KAT2B: variants seen among roughly 807,000 people sequenced by gnomAD.
KAT2B encodes lysine acetyltransferase 2B, also known as histone acetyltransferase KAT2B.
A neutral mutation model predicts 105.9 loss-of-function variants in KAT2B; 36 were observed. The ratio of observed to expected loss-of-function variants is 0.34; its 90% CI spans 0.26 to 0.45. The LOEUF is 0.45. Ranked by LOEUF, KAT2B falls within the 20% of genes least tolerant of loss-of-function variation. The probability of loss-of-function intolerance (pLI) is 1.00; values close to 1 mark genes in which losing one functional copy is unlikely to be tolerated. For synonymous variants in KAT2B, 397 were observed against 377.9 expected (o/e 1.05, Z -0.59); for missense variants, 820 against 1,021.6 (o/e 0.80, Z 2.69).
chr3:20,106,061 C>T (rs930946528), intron 5 of KAT2B, among the ~76,000 whole-genome samples: 2 of 152,110 alleles, frequency 1.3e-5, no homozygotes, highest in African/African-American at 4.8e-5. Context: ...TCCCTGTGAA[C>T]TAGGGCAGAT....
At chr3:20,064,955 C>A (rs943546463) in intron 1 of KAT2B, among the ~76,000 whole-genome samples, 1 of 152,198 alleles carries the variant, frequency 6.6e-6, no homozygotes, top group Non-Finnish European at 1.5e-5. Flanking sequence ...TCTTCACACC[C>A]ATCTCACTCA....
At chr3:20,081,483 C>T (rs1041090911) in intron 2 of KAT2B, among the ~76,000 whole-genome samples, 4 of 152,134 alleles carry the variant, frequency 2.6e-5, no homozygotes, top group Non-Finnish European at 1.5e-5. Context: ...CCAAGGTATA[C>T]CCTTCTGGAG....
intron 2 of KAT2B, among the ~76,000 whole-genome samples, chr3:20,073,208 A>G (rs1347747206): frequency 6.6e-6 from 1 of 152,182 alleles, no homozygotes; most frequent in Non-Finnish European, 1.5e-5. Flanking sequence ...AGAATCTTAG[A>G]CTATTCTTAC....
Position 20,061,718 on chromosome 3 carries a change from C to T in KAT2B, c.304-10615C>T, listed in dbSNP as rs114445546. 4.8e-4 allele frequency among the ~76,000 whole-genome samples: 65 copies of T among 135,192 alleles called. 1 individual carries two copies. The highest frequency in any genetic ancestry group is 1.3e-3 in the Admixed American group (17 of 12,906). 88.7% of individuals were successfully genotyped at this position (135,192 alleles called of 152,430 possible). The stretch of plus-strand genomic sequence containing the variant: ...TGTAGTTTTAATTTGTATTTTCATA[C>T]GTATATATGAAAAAATAATATATAT... On this transcript the variant is annotated intron_variant, in intron 1 of 17. Coordinates refer to ENST00000263754, the MANE Select transcript of KAT2B (RefSeq NM_003884.5).
intron 7 of KAT2B, 111 bp from the exon 8 acceptor site, chr3:20,119,487 C>G: frequency 9.3e-7 from 1 of 1,078,298 alleles, no homozygotes; most frequent in South Asian, 1.4e-5. Context: ...TTAAAGATGA[C>G]TTATTTTGTG....
intron 1 of KAT2B, among the ~76,000 whole-genome samples, chr3:20,056,583 G>GT (rs1357591338): frequency 2.0e-5 from 3 of 152,162 alleles, no homozygotes; most frequent in African/African-American, 4.8e-5. Flanking sequence ...AATAATTATT[G>GT]TTTTTAATAA....
chr3:20,056,652 G>A (rs1698008835), intron 1 of KAT2B, among the ~76,000 whole-genome samples: 1 of 152,148 alleles, frequency 6.6e-6, no homozygotes, highest in Non-Finnish European at 1.5e-5. Context: ...TGGGACATAG[G>A]GTCTGCTAGG....
chr3:20,130,231 A>G (rs905330724), intron 11 of KAT2B, among the ~76,000 whole-genome samples: 1 of 152,248 alleles, frequency 6.6e-6, no homozygotes, highest in Admixed American at 6.5e-5. Flanking sequence ...CTAAGCATCA[A>G]AGGGCAAATG....
chr3:20,122,578 C>G, intron 8 of KAT2B, 90 bp from the exon 9 acceptor site: 1 of 1,005,748 alleles, frequency 9.9e-7, no homozygotes, highest in Non-Finnish European at 1.5e-6. Context: ...CCTCCATGCC[C>G]ATCAATGCTG....
intron 2 of KAT2B, among the ~76,000 whole-genome samples, chr3:20,085,639 T>C (rs1295954647): frequency 2.0e-5 from 3 of 150,970 alleles, no homozygotes; most frequent in Non-Finnish European, 2.9e-5. Context: ...GCCTCCCGAG[T>C]CGCTGGGACT....
At chr3:20,134,761 C>T (rs1043428644) in intron 11 of KAT2B, among the ~76,000 whole-genome samples, 1 of 152,110 alleles carries the variant, frequency 6.6e-6, no homozygotes, top group Non-Finnish European at 1.5e-5. Flanking sequence ...TGTACAAATG[C>T]TGCATAACAG....
At chr3:20,062,048 CAT>C (rs1202759104) in intron 1 of KAT2B, among the ~76,000 whole-genome samples, 14 of 87,944 alleles carry the variant, frequency 1.6e-4, no homozygotes, top group South Asian at 3.6e-4. Context: ...ATATATAAAA[CAT>C]ATAATATATA....
chr3:20,146,478 G>T (rs1699785931), intron 14 of KAT2B, 48 bp downstream of exon 14: 1 of 1,069,384 alleles, frequency 9.4e-7, no homozygotes. Context: ...GTAATGCCGT[G>T]GTTTGTGTTT....
At chr3:20,114,839 A>G (rs1352086993) in intron 6 of KAT2B, 43 bp from the exon 7 acceptor site, 3 of 1,083,374 alleles carry the variant, frequency 2.8e-6, no homozygotes, top group East Asian at 2.4e-5. Flanking sequence ...TTATCCTTAC[A>G]GTAGTTTTTT....
At chr3:20,103,520 C>A (rs1698945894) in intron 5 of KAT2B, among the ~76,000 whole-genome samples, 1 of 152,130 alleles carries the variant, frequency 6.6e-6, no homozygotes, top group Non-Finnish European at 1.5e-5. Context: ...AGCAATTCAT[C>A]TATCTCAGCC....
chr3:20,060,524 C>T (rs1322409012), intron 1 of KAT2B, among the ~76,000 whole-genome samples: 1 of 152,090 alleles, frequency 6.6e-6, no homozygotes, highest in Non-Finnish European at 1.5e-5. Context: ...TCTCTTAAAC[C>T]CAGGAGGCGG....
chr3:20,062,275 T>A (rs1434641284), intron 1 of KAT2B, among the ~76,000 whole-genome samples: 2 of 70,834 alleles, frequency 2.8e-5, no homozygotes, highest in South Asian at 3.4e-4. Flanking sequence ...TAATATATAA[T>A]ATATAAAATA....
chr3:20,150,621 A>T lies in KAT2B; in HGVS notation c.2306-1711A>T, dbSNP rs1301228625. ...CACCAATATTTAGTCACCTTTTTTA[A>T]CCCACCTCATTTTGTCAATTGAAAA... On this transcript the variant is annotated intron_variant, in intron 17 of 17. Coordinates refer to ENST00000263754, the MANE Select transcript of KAT2B (RefSeq NM_003884.5). Among the ~76,000 whole-genome samples the T allele has an allele frequency of 2.6e-5, 4 of 152,200 alleles. No homozygotes were observed. The East Asian group carries it at 7.7e-4, about 29-fold the overall frequency.
chr3:20,122,083 G>A lies in KAT2B; in HGVS notation c.1277-585G>A, dbSNP rs569390987. On this transcript the variant is annotated intron_variant, in intron 8 of 17. Coordinates refer to ENST00000263754, the MANE Select transcript of KAT2B (RefSeq NM_003884.5). Reference sequence around the variant, plus strand: ...GGAGAAATAATCAAATCAACCAACGGTTGAGGCTTTAAACAAACAACTGAG... The same window carrying A: ...GGAGAAATAATCAAATCAACCAACGATTGAGGCTTTAAACAAACAACTGAG... Among the ~76,000 whole-genome samples the A allele has an allele frequency of 2.0e-3, 301 of 152,216 alleles. 12 individuals carry two copies. In the South Asian group the frequency reaches 0.061, roughly 31 times the overall value.
Sources: allele counts gnomAD v4.1 joint callset (sites outside exome capture counted in the v4.1 genomes callset), GRCh38; gene constraint gnomAD v4.1.1; transcripts MANE v1.5; gene names NCBI Gene and HGNC (gene_info 2026-07-23, HGNC 2026-07-21).